The following KRT4 variants were observed in gnomAD, a reference collection of about 807,000 sequenced individuals.
The protein encoded by KRT4 is keratin 4, also known as keratin, type II cytoskeletal 4.
KRT4 carries 47 observed loss-of-function variants against 50.6 expected under a neutral mutation model. The observed-to-expected ratio is 0.93, with a 90% confidence interval of 0.73 to 1.18. The LOEUF is 1.18. Among genes scored for constraint, KRT4 ranks in the 50% most tolerant of loss-of-function variants. The probability of loss-of-function intolerance (pLI) is 0.00; values close to 1 mark genes in which losing one functional copy is unlikely to be tolerated. For missense variants in KRT4, 651 were observed against 645.7 expected (o/e 1.01, Z -0.09); for synonymous variants, 254 against 251.2 (o/e 1.01, Z -0.10).
At chr12:52,811,054 C>T (rs371095509) in intron 2 of KRT4, 20 of 513,378 alleles carry the variant, frequency 3.9e-5, no homozygotes, top group African/African-American at 1.9e-4. Context: ...AGACTGTTTT[C>T]GATAGAAAAC....
At chr12:52,809,536 G>T in intron 3 of KRT4, 58 bp from the exon 4 acceptor site, 2 of 1,224,204 alleles carry the variant, frequency 1.6e-6, no homozygotes, top group Non-Finnish European at 2.4e-6. Context: ...AGGAGGACGG[G>T]TTACTAAGTG....
chr12:52,810,413 G>A (rs923664105), intron 3 of KRT4, among the ~76,000 whole-genome samples: 4 of 152,114 alleles, frequency 2.6e-5, no homozygotes, highest in Non-Finnish European at 5.9e-5. Context: ...CAGGCGTGGT[G>A]GTGCATGCCT....
In KRT4 at chr12:52,809,492, A is replaced by T. The variant is rs776594432; in HGVS notation, c.739-14T>A. On this transcript the variant is annotated splice_polypyrimidine_tract_variant and intron_variant, in intron 3 of 8. Coordinates refer to ENST00000551956, the MANE Select transcript of KRT4 (RefSeq NM_002272.4). Reference sequence around the variant, plus strand: ...AGCATCCACGTCCTGCAGAGGAGTAAGGAGGATAAGAGATGAGGAGCAGGA... The same window carrying T: ...AGCATCCACGTCCTGCAGAGGAGTATGGAGGATAAGAGATGAGGAGCAGGA... The T allele has an allele frequency of 1.3e-6, 2 of 1,594,008 alleles. No homozygotes were observed. Among genetic ancestry groups the T allele is most frequent in the Admixed American group, 3.3e-5 (2 of 59,996 alleles).
rs1489936455 is a variant in KRT4 at position 52,811,770 on chromosome 12, TGAA to T, written c.667_669del (p.Phe223del). 5 of 1,612,878 alleles carry T rather than the reference TGAA, an allele frequency of 3.1e-6. No homozygotes were observed. The highest frequency in any genetic ancestry group is 4.2e-6 in the Non-Finnish European group (5 of 1,179,678). On this transcript the variant is annotated inframe_deletion, in exon 2 of 9. Coordinates refer to ENST00000551956, the MANE Select transcript of KRT4 (RefSeq NM_002272.4). ...TCCTTCCTCCCCATGTACTTAGTCT[TGAA>T]GTCCTCCACGCTGTCCTGCATGGTC...
At position 52,807,133 on chromosome 12, in the gene KRT4, C is replaced by T. The variant is rs544623024; in HGVS notation, c.1499G>A (p.Gly500Asp). The change falls in exon 9 of 9, where the codon GGC (glycine) becomes GAC (aspartate). Residue 500 changes from glycine (G) to aspartate (D), a missense_variant. Transcript: ENST00000551956. ...SGSGSGFGFG[G>D]SVSGSSSSKI... ...GCTGCTGGAACTGCCAGAGACACTG[C>T]CACCAAACCCAAAGCCACTTCCAGA... The T allele has an allele frequency of 1.3e-4, 204 of 1,614,144 alleles. 1 individual carries two copies. In the South Asian group the frequency reaches 1.9e-3, roughly 15 times the overall value.
At chr12:52,813,493 G>T in intron 1 of KRT4, 104 bp downstream of exon 1, 1 of 1,017,448 alleles carries the variant, frequency 9.8e-7, no homozygotes, top group Non-Finnish European at 1.6e-6. Flanking sequence ...GCCCAGGGAA[G>T]TTCAGTGGTC....
chr12:52,813,507 C>T, intron 1 of KRT4, 90 bp downstream of exon 1: 1 of 1,191,700 alleles, frequency 8.4e-7, no homozygotes, highest in South Asian at 1.2e-5. Flanking sequence ...AGTGGTCTCC[C>T]CAGCACCTGT....
At chr12:52,809,620 T>C (rs977269596) in intron 3 of KRT4, 142 bp from the exon 4 acceptor site, 36 of 711,716 alleles carry the variant, frequency 5.1e-5, no homozygotes, top group Admixed American at 4.4e-4. Context: ...AGACCAATTA[T>C]TTTATATATT....
intron 1 of KRT4, among the ~76,000 whole-genome samples, chr12:52,812,432 C>T (rs561429570): frequency 8.1e-4 from 124 of 152,274 alleles, no homozygotes; most frequent in South Asian, 1.7e-3. Flanking sequence ...TGGCGTGTCC[C>T]TGTGAACCTG....
intron 2 of KRT4, 171 bp downstream of exon 2, chr12:52,811,592 C>T (rs1413654088): frequency 1.6e-6 from 1 of 635,210 alleles, no homozygotes; most frequent in Non-Finnish European, 2.8e-6. Flanking sequence ...TCTGTGGTTA[C>T]CAGACCTCAC....
chr12:52,813,940 C>T lies in KRT4; in HGVS notation c.119G>A (p.Gly40Asp), dbSNP rs745806170. ...GCCAAATCCCCCAGAAGAGCATCGG[C>T]CAGCACCTCCAGACATGGAGACTGA... ...FSSVSMSGGA[G>D]RCSSGGFGSR... Residue 40 changes from glycine (G) to aspartate (D), a missense_variant, in exon 1 of 9, where the codon GGC (glycine) becomes GAC (aspartate). By Grantham distance (94) the Gly-to-Asp change is moderately conservative (BLOSUM62 -1). Coordinates refer to ENST00000551956, the MANE Select transcript of KRT4 (RefSeq NM_002272.4). The T allele has an allele frequency of 2.5e-6, 4 of 1,614,214 alleles. No individual in the cohort carries two copies. In the Admixed American group the frequency reaches 6.7e-5, roughly 27 times the overall value.
Position 52,813,798 on chromosome 12 carries a change from A to T in KRT4, c.261T>A (p.Gly87=), listed in dbSNP as rs74445207. ...TACCACTGAAGGAGCCCCCAAATCC[A>T]CCACCAAAGCCACCAGTGCCAAAGC... ...AGGFGTGGFG[G]GFGGSFSGKG... is the part of the protein sequence containing the mutation. The change falls in exon 1 of 9, where the codon GGT becomes GGA. Residue 87 remains glycine (G), a synonymous_variant. Coordinates refer to ENST00000551956, the MANE Select transcript of KRT4 (RefSeq NM_002272.4). The T allele has an allele frequency of 4.0e-3, 1,159 of 290,198 alleles. 4 individuals are homozygous for T. Among genetic ancestry groups the T allele is most frequent in the Non-Finnish European group, 5.2e-3 (1,008 of 194,988 alleles). 18.0% of individuals were successfully genotyped at this position (290,198 alleles called of 1,614,324 possible). A position where few individuals can be genotyped will look rare whatever the true frequency, so the allele number is the denominator to read the frequency against.
intron 4 of KRT4, 25 bp from the exon 5 acceptor site, chr12:52,808,875 GC>G (rs761549493): frequency 6.2e-6 from 10 of 1,613,320 alleles, no homozygotes; most frequent in South Asian, 4.4e-5. Context: ...TCTCACATCA[GC>G]CCCCCCAGGA....
chr12:52,807,962 T>C (rs1313778595), intron 6 of KRT4, 98 bp from the exon 7 acceptor site: 2 of 1,109,102 alleles, frequency 1.8e-6, no homozygotes, highest in Admixed American at 1.9e-5. Flanking sequence ...TGGGTTAGGA[T>C]GTCAAGATTC....
intron 2 of KRT4, 170 bp from the exon 3 acceptor site, chr12:52,810,986 T>C (rs1939901801): frequency 3.1e-6 from 2 of 637,456 alleles, no homozygotes; most frequent in East Asian, 2.8e-5. Flanking sequence ...TCATTGAATA[T>C]AGGAAGTACC....
Position 52,808,351 on chromosome 12 carries a change from T to C in KRT4, c.1068A>G (p.Ala356=), listed in dbSNP as rs1239730433. ...DNLKNTKSEI[A]ELNRMIQRLR... ...GCCTCTGGATCATCCTGTTGAGCTCTGCAATTTCACTCTTGGTGTTCTTCA... is the reference window on the plus strand; with the variant it reads ...GCCTCTGGATCATCCTGTTGAGCTCCGCAATTTCACTCTTGGTGTTCTTCA... The change falls in exon 6 of 9, where the codon GCA becomes GCG. Residue 356 remains alanine, a synonymous_variant. Transcript: ENST00000551956. The C allele has an allele frequency of 6.2e-7, 1 of 1,614,134 alleles. No homozygotes were observed. Among genetic ancestry groups the C allele is most frequent in the South Asian group, 1.1e-5 (1 of 91,072 alleles).
rs748899502 is a variant in KRT4 at position 52,813,955 on chromosome 12, A to G, written c.104T>C (p.Met35Thr). 1 of 1,614,150 alleles carries G rather than the reference A, an allele frequency of 6.2e-7. No individual in the cohort carries two copies. The highest frequency in any genetic ancestry group is 8.5e-7 in the Non-Finnish European group (1 of 1,180,016). Residue 35 changes from methionine (M) to threonine (T), a missense_variant, in exon 1 of 9, where the codon ATG becomes ACG. Transcript: ENST00000551956. The part of the protein sequence containing the change: ...GKRGAFSSVS[M>T]SGGAGRCSSG... ...AGAGCATCGGCCAGCACCTCCAGAC[A>G]TGGAGACTGAGCTGAAGGCACCTCT...
At chr12:52,807,596 C>A (rs1450429632) in intron 7 of KRT4, 48 bp downstream of exon 7, 1 of 1,595,380 alleles carries the variant, frequency 6.3e-7, no homozygotes, top group Admixed American at 1.7e-5. Flanking sequence ...AAGCTCATGG[C>A]CCTGGACCTC....
In KRT4 at chr12:52,811,980, G is replaced by T; in HGVS notation, c.463-3C>A. 1 of 1,611,380 alleles carries T rather than the reference G, an allele frequency of 6.2e-7. No homozygotes were observed. The highest frequency in any genetic ancestry group is 8.5e-7 in the Non-Finnish European group (1 of 1,178,510). ...TTCTGTTGCTCTAAGAACTGCACCT[G>T]TGTTGATAAAGGCACCAGCCAAGTG... On this transcript the variant is annotated splice_region_variant and splice_polypyrimidine_tract_variant and intron_variant, in intron 1 of 8. Coordinates refer to ENST00000551956, the MANE Select transcript of KRT4 (RefSeq NM_002272.4).
Sources: allele counts gnomAD v4.1 joint callset (sites outside exome capture counted in the v4.1 genomes callset), GRCh38; gene constraint gnomAD v4.1.1; transcripts MANE v1.5; gene names NCBI Gene and HGNC (gene_info 2026-07-23, HGNC 2026-07-21).